ANKRD30B: variants seen among roughly 807,000 people sequenced by gnomAD.
ANKRD30B encodes ankyrin repeat domain 30B, also known as ankyrin repeat domain-containing protein 30B.
In ANKRD30B, 144 loss-of-function variants were observed where a neutral mutation model predicts 202.2. The observed-to-expected ratio is 0.71, with a 90% CI of 0.62 to 0.82. ANKRD30B has a LOEUF of 0.82. Among genes scored for constraint, ANKRD30B ranks in the 40% least tolerant of loss-of-function variants. ANKRD30B has a pLI of 0.00. For missense variants in ANKRD30B, 1,487 were observed against 1,669.1 expected (o/e 0.89, Z 1.90); for synonymous variants, 508 against 561.3 (o/e 0.91, Z 1.34).
chr18:14,872,947 A>G, the ANKRD30B span, among the ~76,000 whole-genome samples: 1 of 152,164 alleles, frequency 6.6e-6, no homozygotes, highest in Non-Finnish European at 1.5e-5. Context: ...AGGAGTTGTC[A>G]CTGTTCCAAG....
chr18:14,904,623 C>T, the ANKRD30B span, among the ~76,000 whole-genome samples: 1 of 152,164 alleles, frequency 6.6e-6, no homozygotes, highest in Admixed American at 6.5e-5. Flanking sequence ...TTAATCCCCC[C>T]CATCTCATCT....
In ANKRD30B at chr18:14,826,728, A is replaced by ACACAC. The variant is rs1186812954; in HGVS notation, c.2744-1550_2744-1549insCACAC. 2.0e-3 allele frequency among the ~76,000 whole-genome samples: 68 copies of ACACAC among 33,374 alleles called. No individual in the cohort carries two copies. In the South Asian group the frequency reaches 0.05, roughly 25 times the overall value. The allele number at this position is 33,374 out of a possible 152,430, so 21.9% of individuals were successfully genotyped here. On this transcript the variant is annotated intron_variant, in intron 32 of 43. Coordinates refer to ENST00000690538, the MANE Select transcript of ANKRD30B (RefSeq NM_001367607.2). ...ACACACACACACACACACACACACA[A>ACACAC]GTACAGTAATTCATCCTTATCCAAG...
chr18:14,909,966 G>A, the ANKRD30B span: 2 of 151,892 alleles, frequency 1.3e-5, no homozygotes, highest in Non-Finnish European at 2.9e-5. Flanking sequence ...CCCCTGCCAT[G>A]GAGCCATGTT....
chr18:14,940,705 T>C, the ANKRD30B span, among the ~76,000 whole-genome samples: 95,008 of 152,100 alleles, frequency 0.62, 29,861 homozygotes, highest in African/African-American at 0.69. Flanking sequence ...CAGGCTGTCC[T>C]GGGAAGTCAC....
At position 14,830,905 on chromosome 18, in the gene ANKRD30B, G is replaced by A. The variant is rs545540084; in HGVS notation, c.2775-478G>A. Among the ~76,000 whole-genome samples the A allele has an allele frequency of 6.6e-5, 10 of 152,228 alleles. No individual in the cohort carries two copies. The South Asian group carries it at 1.7e-3, about 25-fold the overall frequency. On this transcript the variant is annotated intron_variant, in intron 33 of 43. Coordinates refer to ENST00000690538, the MANE Select transcript of ANKRD30B (RefSeq NM_001367607.2). ...AATCTTTTTTAAAAACAGAGGGGCC[G>A]GGCGCGGTGGCTCACGCCTGTAATC...
intron 20 of ANKRD30B, among the ~76,000 whole-genome samples, chr18:14,798,534 G>A (rs866235020): frequency 2.6e-5 from 4 of 152,058 alleles, no homozygotes; most frequent in South Asian, 2.1e-4. Flanking sequence ...CTACACAACC[G>A]GTTAGACCAG....
intron 15 of ANKRD30B, among the ~76,000 whole-genome samples, chr18:14,787,847 G>A (rs535438361): frequency 6.6e-6 from 1 of 152,222 alleles, no homozygotes; most frequent in Non-Finnish European, 1.5e-5. Flanking sequence ...TAACAGCAAA[G>A]GGTTGAAGTC....
chr18:14,797,948 G>C (rs1355628256), intron 20 of ANKRD30B, 94 bp downstream of exon 20: 8 of 1,198,446 alleles, frequency 6.7e-6, no homozygotes, highest in Non-Finnish European at 8.1e-6. Flanking sequence ...GTTTTCTTTT[G>C]AAAATTTGAT....
intron 39 of ANKRD30B, among the ~76,000 whole-genome samples, chr18:14,845,351 T>C: frequency 6.6e-6 from 1 of 152,298 alleles, no homozygotes. Context: ...AATAGGGAAT[T>C]CTTTTCACAT....
chr18:14,838,719 G>A (rs1184389411), intron 36 of ANKRD30B, among the ~76,000 whole-genome samples: 1 of 152,138 alleles, frequency 6.6e-6, no homozygotes, highest in Non-Finnish European at 1.5e-5. Context: ...TCTGTATTTG[G>A]TTCTGTCACT....
chr18:14,755,112 A>C, intron 4 of ANKRD30B, 107 bp downstream of exon 4: 1 of 639,300 alleles, frequency 1.6e-6, no homozygotes, highest in Non-Finnish European at 2.4e-6. Flanking sequence ...AAATTATTAG[A>C]TTATAGTGAA....
At chr18:14,761,912 C>G (rs982008339) in intron 6 of ANKRD30B, among the ~76,000 whole-genome samples, 1 of 152,194 alleles carries the variant, frequency 6.6e-6, no homozygotes, top group Non-Finnish European at 1.5e-5. Context: ...ATATGAAAAT[C>G]TGTTTCTTTT....
chr18:14,758,617 A>G (rs1321468971), intron 5 of ANKRD30B, among the ~76,000 whole-genome samples: 1 of 152,202 alleles, frequency 6.6e-6, no homozygotes, highest in Non-Finnish European at 1.5e-5. Context: ...TCTGGCAGCT[A>G]GGACTTTTAT....
At chr18:14,795,787 G>T (rs1968834184) in intron 16 of ANKRD30B, among the ~76,000 whole-genome samples, 1 of 151,700 alleles carries the variant, frequency 6.6e-6, no homozygotes, top group African/African-American at 2.4e-5. Flanking sequence ...GCAGTATATT[G>T]ACATAAGAGA....
chr18:14,896,285 C>T, the ANKRD30B span, among the ~76,000 whole-genome samples: 1 of 152,058 alleles, frequency 6.6e-6, no homozygotes, highest in African/African-American at 2.4e-5. Flanking sequence ...GCACCCGCCA[C>T]CACGCCCAGC....
At chr18:14,877,513 C>T in the ANKRD30B span, 5 of 151,502 alleles carry the variant, frequency 3.3e-5, no homozygotes, top group African/African-American at 9.7e-5. Context: ...AAGTACTTAG[C>T]GCGTTGTGTA....
chr18:14,841,442 G>A (rs1024681006), intron 37 of ANKRD30B, among the ~76,000 whole-genome samples: 9 of 152,088 alleles, frequency 5.9e-5, no homozygotes, highest in Non-Finnish European at 1.2e-4. Context: ...CTGGAAGAAG[G>A]GCAGTTGGAT....
At chr18:14,751,531 G>A (rs1186693488) in intron 1 of ANKRD30B, among the ~76,000 whole-genome samples, 1 of 88,354 alleles carries the variant, frequency 1.1e-5, no homozygotes, top group Admixed American at 1.4e-4. Flanking sequence ...ACGAGTAAAA[G>A]ATAACTACCA....
chr18:14,835,931 G>A (rs1436979666), intron 34 of ANKRD30B, among the ~76,000 whole-genome samples: 1 of 151,744 alleles, frequency 6.6e-6, no homozygotes, highest in Non-Finnish European at 1.5e-5. Context: ...ATTCAAAGAT[G>A]CATATTGCAA....
Sources: allele counts gnomAD v4.1 joint callset (sites outside exome capture counted in the v4.1 genomes callset), GRCh38; gene constraint gnomAD v4.1.1; transcripts MANE v1.5; gene names NCBI Gene and HGNC (gene_info 2026-07-23, HGNC 2026-07-21).